The following CADM2 variants were observed in gnomAD, a reference collection of about 807,000 sequenced individuals.
CADM2 encodes cell adhesion molecule 2.
Under a neutral mutation model 49.8 loss-of-function variants are expected in CADM2, and 12 were observed. That is an observed-to-expected ratio of 0.24 (90% CI 0.15 to 0.39). CADM2 has a LOEUF of 0.39. Among genes scored for constraint, CADM2 ranks in the 10% least tolerant of loss-of-function variants. The pLI is 1.00. For synonymous variants in CADM2, 214 were observed against 175.4 expected (o/e 1.22, Z -1.74); for missense variants, 378 against 492.3 (o/e 0.77, Z 2.20).
chr3:85,388,532 C>T (rs142313271), intron 1 of CADM2, among the ~76,000 whole-genome samples: 272 of 152,102 alleles, frequency 1.8e-3, no homozygotes, highest in Non-Finnish European at 3.0e-3. Context: ...TATGAATGTA[C>T]GTATGTATTT....
chr3:85,173,890 T>C (rs1007305927), intron 1 of CADM2, among the ~76,000 whole-genome samples: 3 of 152,304 alleles, frequency 2.0e-5, no homozygotes, highest in South Asian at 4.1e-4. Context: ...AATTCACTTC[T>C]CAGGGTACAA....
intron 1 of CADM2, among the ~76,000 whole-genome samples, chr3:85,695,830 C>T (rs1026837486): frequency 1.3e-5 from 2 of 152,032 alleles, no homozygotes; most frequent in Non-Finnish European, 2.9e-5. Context: ...TGAGAAATCT[C>T]CATATTGTTT....
chr3:85,062,746 A>G (rs1482073833), intron 1 of CADM2, among the ~76,000 whole-genome samples: 1 of 152,012 alleles, frequency 6.6e-6, no homozygotes, highest in Non-Finnish European at 1.5e-5. Context: ...GTAAGAACTG[A>G]CGAATGTTGC....
intron 1 of CADM2, among the ~76,000 whole-genome samples, chr3:85,489,790 T>G: frequency 6.9e-6 from 1 of 144,608 alleles, no homozygotes; most frequent in Non-Finnish European, 1.5e-5. Context: ...TTATTTAACG[T>G]GTGTGTGTGT....
chr3:85,852,426 G>A (rs78512237), intron 3 of CADM2, among the ~76,000 whole-genome samples: 6,717 of 152,116 alleles, frequency 0.044, 517 homozygotes, highest in African/African-American at 0.15. Context: ...TTTAAGATGT[G>A]TAACACTCTA....
At chr3:85,452,476 T>C (rs544925959) in intron 1 of CADM2, among the ~76,000 whole-genome samples, 1 of 152,180 alleles carries the variant, frequency 6.6e-6, no homozygotes, top group African/African-American at 2.4e-5. Flanking sequence ...CTCTGTGTTT[T>C]GTTTTTGTTT....
intron 1 of CADM2, among the ~76,000 whole-genome samples, chr3:85,509,304 A>T (rs1334712670): frequency 2.0e-5 from 3 of 152,146 alleles, no homozygotes; most frequent in Admixed American, 2.0e-4. Context: ...GTTATGAACT[A>T]TTTTGACACA....
chr3:85,824,918 G>C (rs2108203573), intron 3 of CADM2, among the ~76,000 whole-genome samples: 1 of 152,062 alleles, frequency 6.6e-6, no homozygotes, highest in Admixed American at 6.6e-5. Context: ...CTTGAGTAGG[G>C]GTTAATGATA....
intron 1 of CADM2, among the ~76,000 whole-genome samples, chr3:85,372,343 A>G (rs897794183): frequency 2.6e-5 from 4 of 151,020 alleles, no homozygotes; most frequent in African/African-American, 7.3e-5. Context: ...AAATTTATAT[A>G]TATATATATG....
intron 1 of CADM2, among the ~76,000 whole-genome samples, chr3:85,524,025 C>G (rs974039107): frequency 6.6e-6 from 1 of 151,972 alleles, no homozygotes; most frequent in Non-Finnish European, 1.5e-5. Context: ...CATATGCTTC[C>G]AAGTTATAAG....
At chr3:85,219,645 G>C (rs1251841965) in intron 1 of CADM2, among the ~76,000 whole-genome samples, 2 of 152,076 alleles carry the variant, frequency 1.3e-5, no homozygotes, top group East Asian at 3.9e-4. Flanking sequence ...ACAAAAAAGT[G>C]AATAAAATTG....
intron 1 of CADM2, among the ~76,000 whole-genome samples, chr3:85,162,611 A>G (rs1416586365): frequency 2.0e-5 from 3 of 152,262 alleles, no homozygotes; most frequent in East Asian, 3.9e-4. Context: ...TAGAGTTTAT[A>G]CAAAAAGGCT....
At chr3:85,298,064 G>A (rs1420871050) in intron 1 of CADM2, among the ~76,000 whole-genome samples, 2 of 152,038 alleles carry the variant, frequency 1.3e-5, no homozygotes, top group Non-Finnish European at 2.9e-5. Flanking sequence ...TTAGGGTTAT[G>A]TTAGGGGAAA....
intron 8 of CADM2, among the ~76,000 whole-genome samples, chr3:86,043,632 T>A (rs1736244937): frequency 6.6e-6 from 1 of 152,200 alleles, no homozygotes; most frequent in Admixed American, 6.5e-5. Flanking sequence ...ATGGCCATAC[T>A]GTCCAAGGTA....
chr3:85,895,082 G>C (rs1047648971), intron 5 of CADM2, among the ~76,000 whole-genome samples: 1 of 152,188 alleles, frequency 6.6e-6, no homozygotes, highest in African/African-American at 2.4e-5. Context: ...CCTGAGAATG[G>C]TAGATCCACT....
At chr3:85,075,970 C>T (rs760454940) in intron 1 of CADM2, among the ~76,000 whole-genome samples, 3 of 151,440 alleles carry the variant, frequency 2.0e-5, no homozygotes, top group Non-Finnish European at 4.4e-5. Flanking sequence ...AGTGACAATG[C>T]TTACCAGGAA....
intron 1 of CADM2, among the ~76,000 whole-genome samples, chr3:85,073,520 A>C (rs1285313386): frequency 6.6e-6 from 1 of 152,162 alleles, no homozygotes; most frequent in African/African-American, 2.4e-5. Flanking sequence ...CTTTCACTGG[A>C]AACCCTCTAA....
intron 1 of CADM2, among the ~76,000 whole-genome samples, chr3:85,252,176 A>T (rs996791373): frequency 3.3e-5 from 5 of 152,016 alleles, no homozygotes; most frequent in Non-Finnish European, 5.9e-5. Context: ...CACTAAAGAG[A>T]TACCATTTAT....
chr3:85,954,545 C>T (rs1723811960), intron 7 of CADM2, among the ~76,000 whole-genome samples: 1 of 151,010 alleles, frequency 6.6e-6, no homozygotes. Flanking sequence ...TACCAAGCAA[C>T]CCCAGCTTCT....
Sources: allele counts gnomAD v4.1 joint callset (sites outside exome capture counted in the v4.1 genomes callset), GRCh38; gene constraint gnomAD v4.1.1; transcripts MANE v1.5; gene names NCBI Gene and HGNC (gene_info 2026-07-23, HGNC 2026-07-21).